GADL1: variants seen among roughly 807,000 people sequenced by gnomAD.
The protein encoded by GADL1 is acidic amino acid decarboxylase GADL1.
Under a neutral mutation model 69.5 loss-of-function variants are expected in GADL1, and 71 were observed. The ratio of observed to expected loss-of-function variants is 1.02; its 90% CI spans 0.84 to 1.25. The LOEUF (loss-of-function observed/expected upper bound fraction) is 1.25. Ranked by LOEUF, GADL1 falls within the 50% of genes most tolerant of loss-of-function variation. The pLI is 0.00. For synonymous variants in GADL1, 254 were observed against 214.4 expected (o/e 1.18, Z -1.62); for missense variants, 737 against 631.8 (o/e 1.17, Z -1.79).
chr3:30,752,619 C>CCT (rs1695853399), intron 14 of GADL1, among the ~76,000 whole-genome samples: 2 of 152,124 alleles, frequency 1.3e-5, no homozygotes, highest in African/African-American at 4.8e-5. Context: ...AACCTGTTCC[C>CCT]CTTAAATATC....
intron 14 of GADL1, among the ~76,000 whole-genome samples, chr3:30,752,075 T>A (rs1695834293): frequency 1.3e-5 from 2 of 151,844 alleles, no homozygotes; most frequent in Admixed American, 1.3e-4. Flanking sequence ...CTGAAACCTA[T>A]TTCGTTAAAG....
chr3:30,849,818 G>C lies in GADL1; in HGVS notation c.651+178C>G, dbSNP rs530548495. Among the ~76,000 whole-genome samples the C allele has an allele frequency of 8.7e-4, 133 of 152,092 alleles. 1 individual carries two copies. The highest frequency in any genetic ancestry group is 3.4e-3 in the Middle Eastern group (1 of 294). On this transcript the variant is annotated intron_variant, in intron 6 of 14. Coordinates refer to ENST00000282538, the MANE Select transcript of GADL1 (RefSeq NM_207359.3). ...AAATAAAGGTAATTATACAAAATTG[G>C]ACCAGGCGTTACAACATCAAACTCG...
intron 13 of GADL1, 87 bp from the exon 14 acceptor site, chr3:30,778,355 TTC>T: frequency 1.2e-6 from 1 of 832,754 alleles, no homozygotes; most frequent in Non-Finnish European, 2.0e-6. Flanking sequence ...AGCTAGTTTC[TTC>T]AAGAGTTATC....
In GADL1 at chr3:30,843,420, G is replaced by A. The variant is rs111839942; in HGVS notation, c.786+790C>T. 8.1e-3 allele frequency among the ~76,000 whole-genome samples: 1,230 copies of A among 151,726 alleles called. 22 individuals carry two copies. Among genetic ancestry groups the A allele is most frequent in the African/African-American group, 0.029 (1,179 of 41,362 alleles). Reference sequence around the variant, plus strand: ...ACAGGCATGCACCACCACGCCCGGCGAATATTTTGATATTGTTGGTAGTGA... The same window carrying A: ...ACAGGCATGCACCACCACGCCCGGCAAATATTTTGATATTGTTGGTAGTGA... On this transcript the variant is annotated intron_variant, in intron 8 of 14. Coordinates refer to ENST00000282538, the MANE Select transcript of GADL1 (RefSeq NM_207359.3).
intron 14 of GADL1, among the ~76,000 whole-genome samples, chr3:30,755,906 CTGTG>C (rs1422964079): frequency 6.6e-6 from 1 of 152,092 alleles, no homozygotes; most frequent in South Asian, 2.1e-4. Flanking sequence ...GCTGGTTCCT[CTGTG>C]TGAGCCACTG....
chr3:30,807,584 G>T (rs1472084867), intron 11 of GADL1, among the ~76,000 whole-genome samples: 1 of 152,172 alleles, frequency 6.6e-6, no homozygotes, highest in Non-Finnish European at 1.5e-5. Flanking sequence ...AATGACCCAG[G>T]GTAGGGATGC....
chr3:30,839,522 A>AAAAAAAAAAAAAG lies in GADL1; in HGVS notation c.787-410_787-409insCTTTTTTTTTTTT, dbSNP rs1235367070. On this transcript the variant is annotated intron_variant, in intron 8 of 14. Coordinates refer to ENST00000282538, the MANE Select transcript of GADL1 (RefSeq NM_207359.3). ...CATCATTGTCATCTTCTCAAAAAAA[A>AAAAAAAAAAAAAG]AAAAAGGTTGGAAGACAGAGCTCCC... is the stretch of plus-strand genomic sequence containing the variant. Among the ~76,000 whole-genome samples, 940 of 150,856 alleles carry AAAAAAAAAAAAAG rather than the reference A, an allele frequency of 6.2e-3. 46 individuals carry two copies. Among genetic ancestry groups the AAAAAAAAAAAAAG allele is most frequent in the African/African-American group, 0.022 (901 of 40,690 alleles).
At chr3:30,768,451 AAT>A (rs1696336814) in intron 14 of GADL1, among the ~76,000 whole-genome samples, 1 of 151,996 alleles carries the variant, frequency 6.6e-6, no homozygotes, top group South Asian at 2.1e-4. Context: ...ATTAAGGAAA[AAT>A]TGTCATTTAT....
intron 14 of GADL1, among the ~76,000 whole-genome samples, chr3:30,757,341 G>A (rs1300506168): frequency 1.3e-5 from 2 of 152,124 alleles, no homozygotes; most frequent in South Asian, 2.1e-4. Context: ...GAAGGGATTA[G>A]TTAGCAAAAG....
intron 13 of GADL1, chr3:30,778,945 A>G (rs2125496402): frequency 6.6e-6 from 1 of 152,336 alleles, no homozygotes; most frequent in East Asian, 1.9e-4. Context: ...AGGCTAAAGA[A>G]TTGGCATTTT....
chr3:30,729,578 G>A (rs555964843), intron 14 of GADL1, among the ~76,000 whole-genome samples: 12 of 152,188 alleles, frequency 7.9e-5, no homozygotes, highest in African/African-American at 2.4e-4. Context: ...TCCCTCTCTC[G>A]TAATGTGATA....
intron 14 of GADL1, among the ~76,000 whole-genome samples, chr3:30,746,827 C>A (rs1019357276): frequency 6.6e-6 from 1 of 152,136 alleles, no homozygotes; most frequent in Non-Finnish European, 1.5e-5. Context: ...TCTATCATAT[C>A]TACAAAATTA....
chr3:30,758,500 CAAAA>C (rs568271729), intron 14 of GADL1, among the ~76,000 whole-genome samples: 5 of 151,700 alleles, frequency 3.3e-5, no homozygotes, highest in Non-Finnish European at 5.9e-5. Context: ...GAGTAACTGA[CAAAA>C]AAACATGAGA....
At chr3:30,830,436 C>G (rs1697768631) in intron 11 of GADL1, among the ~76,000 whole-genome samples, 1 of 151,946 alleles carries the variant, frequency 6.6e-6, no homozygotes, top group African/African-American at 2.4e-5. Flanking sequence ...ATGAACCTTG[C>G]AAATTGGGGT....
intron 11 of GADL1, among the ~76,000 whole-genome samples, chr3:30,819,939 A>C (rs1476316773): frequency 2.0e-5 from 3 of 152,048 alleles, no homozygotes; most frequent in Non-Finnish European, 4.4e-5. Context: ...TCTACCCCAA[A>C]ATTTCTGAGC....
At chr3:30,741,112 G>GTATATATA (rs67611024) in intron 14 of GADL1, among the ~76,000 whole-genome samples, 17 of 113,910 alleles carry the variant, frequency 1.5e-4, no homozygotes, top group Middle Eastern at 4.1e-3. Context: ...TGTATTCCTA[G>GTATATATA]TATATATATA....
chr3:30,735,429 G>T (rs1249957128), intron 14 of GADL1, among the ~76,000 whole-genome samples: 1 of 152,100 alleles, frequency 6.6e-6, no homozygotes, highest in Non-Finnish European at 1.5e-5. Flanking sequence ...CAAAACTGTG[G>T]TATACCTATA....
At chr3:30,847,474 A>T (rs917107796) in intron 6 of GADL1, among the ~76,000 whole-genome samples, 2 of 152,214 alleles carry the variant, frequency 1.3e-5, no homozygotes, top group Non-Finnish European at 2.9e-5. Context: ...AGAGTTTAAG[A>T]CTGTTTACTA....
intron 2 of GADL1, among the ~76,000 whole-genome samples, chr3:30,860,214 A>G (rs1411702500): frequency 6.6e-6 from 1 of 151,830 alleles, no homozygotes; most frequent in African/African-American, 2.4e-5. Context: ...TCCAGTCTCA[A>G]AGCATTTATC....
Sources: gnomAD v4.1 joint callset for allele counts (sites outside exome capture counted in the v4.1 genomes callset) on GRCh38, gnomAD v4.1.1 for gene constraint, MANE v1.5 for transcripts, NCBI Gene and HGNC (gene_info 2026-07-23, HGNC 2026-07-21) for gene names.